The following CORO1C variants were observed in gnomAD, a reference collection of about 807,000 sequenced individuals.
CORO1C encodes the protein coronin-1C.
CORO1C carries 14 observed loss-of-function variants against 51.2 expected under a neutral mutation model. That is an observed-to-expected ratio of 0.27 (90% confidence interval 0.18 to 0.43). The LOEUF (loss-of-function observed/expected upper bound fraction) is 0.43. Ranked by LOEUF, CORO1C falls within the 20% of genes least tolerant of loss-of-function variation. The pLI is 1.00. For missense variants in CORO1C, 417 were observed against 607.8 expected (o/e 0.69, Z 3.30); for synonymous variants, 181 against 210.5 (o/e 0.86, Z 1.21).
At chr12:108,665,732 A>G (rs1232623197) in intron 3 of CORO1C, among the ~76,000 whole-genome samples, 1 of 152,264 alleles carries the variant, frequency 6.6e-6, no homozygotes, top group Admixed American at 6.5e-5. Context: ...ACAGAGCCAG[A>G]CACACACATA....
intron 3 of CORO1C, among the ~76,000 whole-genome samples, chr12:108,667,938 T>TA (rs2033552585): frequency 6.6e-6 from 1 of 152,230 alleles, no homozygotes; most frequent in Non-Finnish European, 1.5e-5. Flanking sequence ...GTGCTAATTT[T>TA]AAAGTACAAT....
At chr12:108,652,467 TG>T in intron 7 of CORO1C, 50 bp from the exon 8 acceptor site, 2 of 1,506,600 alleles carry the variant, frequency 1.3e-6, no homozygotes, top group Non-Finnish European at 1.8e-6. Context: ...CTGAAACATC[TG>T]GATTATGGGG....
At chr12:108,696,583 T>G (rs370508323) in intron 2 of CORO1C, among the ~76,000 whole-genome samples, 3 of 152,278 alleles carry the variant, frequency 2.0e-5, no homozygotes, top group Non-Finnish European at 2.9e-5. Flanking sequence ...CACAGAGGGC[T>G]GAAAACCTGT....
chr12:108,649,074 A>G, intron 8 of CORO1C, 54 bp from the exon 9 acceptor site: 5 of 1,581,528 alleles, frequency 3.2e-6, no homozygotes, highest in Non-Finnish European at 4.3e-6. Flanking sequence ...GAGGCTGACT[A>G]ACAGGATGAA....
At chr12:108,665,023 G>A (rs891800713) in intron 3 of CORO1C, among the ~76,000 whole-genome samples, 1 of 152,132 alleles carries the variant, frequency 6.6e-6, no homozygotes, top group African/African-American at 2.4e-5. Context: ...TGGCCTGCTG[G>A]GTTTCCTTGC....
chr12:108,692,949 C>T (rs1813830762), intron 2 of CORO1C, among the ~76,000 whole-genome samples: 1 of 152,058 alleles, frequency 6.6e-6, no homozygotes, highest in African/African-American at 2.4e-5. Context: ...AGGCGTGTGC[C>T]ACCATGCCCA....
intron 3 of CORO1C, among the ~76,000 whole-genome samples, chr12:108,662,811 A>C (rs1239262459): frequency 6.6e-6 from 1 of 152,174 alleles, no homozygotes; most frequent in African/African-American, 2.4e-5. Context: ...ATATTACAAA[A>C]GAAAAAAATG....
intron 2 of CORO1C, among the ~76,000 whole-genome samples, chr12:108,695,933 A>G (rs1240387298): frequency 6.6e-6 from 1 of 152,118 alleles, no homozygotes; most frequent in African/African-American, 2.4e-5. Flanking sequence ...CTACATGAAA[A>G]ACTGCAAAAT....
intron 7 of CORO1C, 74 bp from the exon 8 acceptor site, chr12:108,652,491 T>C: frequency 7.9e-7 from 1 of 1,260,764 alleles, no homozygotes; most frequent in South Asian, 1.3e-5. Flanking sequence ...GTCTCTCTCC[T>C]CTACAAACCC....
At chr12:108,712,998 A>G (rs1400631684) in intron 1 of CORO1C, among the ~76,000 whole-genome samples, 2 of 151,988 alleles carry the variant, frequency 1.3e-5, no homozygotes, top group Non-Finnish European at 2.9e-5. Context: ...TCCAGCAGTG[A>G]CACTCAAAGA....
intron 1 of CORO1C, among the ~76,000 whole-genome samples, chr12:108,719,607 A>G (rs541999122): frequency 5.2e-4 from 79 of 152,320 alleles, no homozygotes; most frequent in Non-Finnish European, 9.9e-4. Context: ...GGCCTGCCCT[A>G]TGATTTCTCT....
At chr12:108,656,178 G>A (rs11114021) in intron 6 of CORO1C, among the ~76,000 whole-genome samples, 7,183 of 54,080 alleles carry the variant, frequency 0.13, 655 homozygotes, top group East Asian at 0.75. Context: ...GAGCCCCTCC[G>A]CCCGGCAGCC....
At chr12:108,705,325 A>G (rs1239222224) in intron 1 of CORO1C, among the ~76,000 whole-genome samples, 1 of 151,938 alleles carries the variant, frequency 6.6e-6, no homozygotes, top group Non-Finnish European at 1.5e-5. Context: ...CTAAAAATAC[A>G]AAACTTAGCC....
At chr12:108,680,254 T>G (rs2034076561) in intron 2 of CORO1C, among the ~76,000 whole-genome samples, 1 of 152,170 alleles carries the variant, frequency 6.6e-6, no homozygotes, top group Admixed American at 6.5e-5. Flanking sequence ...TCACAGTCTC[T>G]GGAGAGGTTT....
Position 108,662,494 on chromosome 12 carries a change from A to G in CORO1C, c.319-336T>C, listed in dbSNP as rs549089228. Among the ~76,000 whole-genome samples, 309 of 152,232 alleles carry G rather than the reference A, an allele frequency of 2.0e-3. 2 individuals are homozygous for G. Among genetic ancestry groups the G allele is most frequent in the Non-Finnish European group, 3.4e-3 (231 of 68,006 alleles). ...GTATCGGCTGTTTTTAAAATGTAAT[A>G]TGTTATCGGAGATCAGGATACCAAC... On this transcript the variant is annotated intron_variant, in intron 3 of 10. Transcript: ENST00000261401.
chr12:108,708,027 G>A (rs2035075822), intron 1 of CORO1C, among the ~76,000 whole-genome samples: 1 of 152,128 alleles, frequency 6.6e-6, no homozygotes, highest in Admixed American at 6.6e-5. Flanking sequence ...ATACACTCCT[G>A]GTGGGAATGC....
rs2034050022 is a variant in CORO1C, at chr12:108,679,545, A to T, written c.196-1151T>A. On this transcript the variant is annotated intron_variant, in intron 2 of 10. Coordinates refer to ENST00000261401, the MANE Select transcript of CORO1C (RefSeq NM_014325.4). Reference sequence around the variant, plus strand: ...CTGAAGCTGTGTATGCTTTAAGAGCAGGTGCACAGAAAGGAACCACTGCAA... The same window carrying T: ...CTGAAGCTGTGTATGCTTTAAGAGCTGGTGCACAGAAAGGAACCACTGCAA... 2.0e-5 allele frequency among the ~76,000 whole-genome samples: 3 copies of T among 152,254 alleles called. 1 individual carries two copies. The South Asian group carries it at 6.2e-4, about 31-fold the overall frequency.
intron 1 of CORO1C, among the ~76,000 whole-genome samples, chr12:108,714,970 C>T (rs750921383): frequency 3.9e-5 from 6 of 152,012 alleles, no homozygotes; most frequent in South Asian, 2.1e-4. Context: ...CATTGCAGAG[C>T]GTAATGTGAC....
At chr12:108,700,111 T>C (rs1450084160) in intron 2 of CORO1C, among the ~76,000 whole-genome samples, 2 of 145,246 alleles carry the variant, frequency 1.4e-5, no homozygotes, top group Non-Finnish European at 3.1e-5. Flanking sequence ...ACATGATCCA[T>C]TGTGATGAGA....
Sources: allele counts gnomAD v4.1 joint callset (sites outside exome capture counted in the v4.1 genomes callset), GRCh38; gene constraint gnomAD v4.1.1; transcripts MANE v1.5; gene names NCBI Gene and HGNC (gene_info 2026-07-23, HGNC 2026-07-21).